The following RBFOX1 variants were observed in gnomAD, a reference collection of about 807,000 sequenced individuals.
RBFOX1 encodes the protein RNA binding protein fox-1 homolog 1.
RBFOX1 carries 8 observed loss-of-function variants against 57.7 expected under a neutral mutation model. The observed-to-expected ratio is 0.14, with a 90% CI of 0.08 to 0.25. The LOEUF (loss-of-function observed/expected upper bound fraction) is 0.25, where lower values mean the gene tolerates loss of function less well. RBFOX1 is among the 10% of genes least tolerant of loss of function. The probability of loss-of-function intolerance (pLI) is 1.00; values close to 1 mark genes in which losing one functional copy is unlikely to be tolerated. For missense variants in RBFOX1, 611 were observed against 548.5 expected, an observed-to-expected ratio of 1.11 and a Z score of -1.14; for synonymous variants, 326 against 222.4, an observed-to-expected ratio of 1.47 and a Z score of -4.15.
At chr16:7,152,861 C>G (rs958809506) in intron 4 of RBFOX1, among the ~76,000 whole-genome samples, 3 of 152,090 alleles carry the variant, frequency 2.0e-5, no homozygotes, top group Non-Finnish European at 2.9e-5. Context: ...CATGAAGGCA[C>G]TTAATCATTT....
chr16:5,743,160 A>G (rs1289531804), intron 3 of RBFOX1, among the ~76,000 whole-genome samples: 1 of 152,166 alleles, frequency 6.6e-6, no homozygotes, highest in African/African-American at 2.4e-5. Flanking sequence ...GAGGAGATAT[A>G]TGGGTTACAG....
intron 4 of RBFOX1, among the ~76,000 whole-genome samples, chr16:7,362,205 GTT>G (rs935556567): frequency 1.3e-5 from 2 of 150,746 alleles, no homozygotes; most frequent in African/African-American, 4.9e-5. Flanking sequence ...GTATGATTGT[GTT>G]TGTTTTTTAT....
At chr16:6,963,801 C>G (rs2083506461) in intron 3 of RBFOX1, among the ~76,000 whole-genome samples, 1 of 150,896 alleles carries the variant, frequency 6.6e-6, no homozygotes, top group East Asian at 2.0e-4. Flanking sequence ...CGGGTTCATG[C>G]CATTCTCCTG....
intron 4 of RBFOX1, among the ~76,000 whole-genome samples, chr16:7,245,386 C>T (rs189376985): frequency 2.6e-5 from 4 of 151,994 alleles, no homozygotes; most frequent in African/African-American, 9.7e-5. Context: ...CATAGGTAAA[C>T]ATGTGCCATG....
intron 1 of RBFOX1, among the ~76,000 whole-genome samples, chr16:6,191,412 C>T (rs1283740929): frequency 6.6e-6 from 1 of 152,060 alleles, no homozygotes; most frequent in Non-Finnish European, 1.5e-5. Context: ...GACTTTGAGT[C>T]ACTCTTGAGA....
chr16:6,425,031 A>G (rs999610135), intron 2 of RBFOX1, among the ~76,000 whole-genome samples: 5 of 152,332 alleles, frequency 3.3e-5, no homozygotes, highest in African/African-American at 7.2e-5. Flanking sequence ...GATGAACTAA[A>G]TATTTTCACT....
intron 2 of RBFOX1, among the ~76,000 whole-genome samples, chr16:6,366,943 C>A (rs1437416164): frequency 6.6e-6 from 1 of 152,196 alleles, no homozygotes; most frequent in African/African-American, 2.4e-5. Context: ...TCACAAGGAG[C>A]ATTTCCTACA....
At chr16:6,516,538 G>C (rs2096382024) in intron 2 of RBFOX1, among the ~76,000 whole-genome samples, 1 of 152,260 alleles carries the variant, frequency 6.6e-6, no homozygotes, top group Middle Eastern at 3.4e-3. Flanking sequence ...CATAAGGCTT[G>C]TTAATTTTTT....
At chr16:5,440,462 A>C (rs1206982033) in intron 1 of RBFOX1, among the ~76,000 whole-genome samples, 1 of 152,236 alleles carries the variant, frequency 6.6e-6, no homozygotes, top group African/African-American at 2.4e-5. Flanking sequence ...GCCTCAGCCC[A>C]AAAGGACTAA....
chr16:6,392,778 G>A (rs890025825), intron 2 of RBFOX1, among the ~76,000 whole-genome samples: 7 of 152,174 alleles, frequency 4.6e-5, no homozygotes, highest in Non-Finnish European at 8.8e-5. Flanking sequence ...GAATTAAAAA[G>A]CATCCCTCAA....
At chr16:6,979,795 C>G (rs563880657) in intron 3 of RBFOX1, among the ~76,000 whole-genome samples, 129 of 152,252 alleles carry the variant, frequency 8.5e-4, no homozygotes, top group African/African-American at 3.1e-3. Context: ...GGTATTCCAC[C>G]CTTTTCTCCT....
chr16:6,006,956 TTA>T (rs1357709842), intron 4 of RBFOX1, among the ~76,000 whole-genome samples: 4 of 152,274 alleles, frequency 2.6e-5, no homozygotes, highest in African/African-American at 9.6e-5. Flanking sequence ...CCATGTAGGA[TTA>T]TATCTCACTG....
At chr16:5,344,084 G>A (rs1855648508) in intron 1 of RBFOX1, among the ~76,000 whole-genome samples, 1 of 152,136 alleles carries the variant, frequency 6.6e-6, no homozygotes, top group African/African-American at 2.4e-5. Context: ...TCTCGTTTTC[G>A]GAGAAATAAA....
chr16:6,216,458 C>A (rs936061869), intron 1 of RBFOX1, among the ~76,000 whole-genome samples: 2 of 152,142 alleles, frequency 1.3e-5, no homozygotes, highest in African/African-American at 4.8e-5. Context: ...TTAGCTCCCC[C>A]TCTTAATCCG....
intron 3 of RBFOX1, among the ~76,000 whole-genome samples, chr16:5,809,930 G>C (rs2055360898): frequency 6.6e-6 from 1 of 152,062 alleles, no homozygotes; most frequent in South Asian, 2.1e-4. Context: ...CAACCCAAAT[G>C]TCCAACAATG....
chr16:7,419,187 C>G (rs903097314), intron 4 of RBFOX1, among the ~76,000 whole-genome samples: 1 of 152,082 alleles, frequency 6.6e-6, no homozygotes, highest in African/African-American at 2.4e-5. Flanking sequence ...GGATTACAAG[C>G]GTGAGCACCA....
chr16:6,591,857 G>A (rs17140662), intron 2 of RBFOX1, among the ~76,000 whole-genome samples: 5,323 of 152,176 alleles, frequency 0.035, 330 homozygotes, highest in African/African-American at 0.12. Context: ...GAACCCTTTT[G>A]AAAGAATTTG....
intron 4 of RBFOX1, among the ~76,000 whole-genome samples, chr16:7,360,355 G>A (rs541103642): frequency 1.3e-5 from 2 of 152,320 alleles, no homozygotes; most frequent in East Asian, 3.9e-4. Context: ...AGAAATGGTG[G>A]CTCTGCTGCT....
chr16:5,250,306 G>T (rs1006694647), intron 1 of RBFOX1, among the ~76,000 whole-genome samples: 10 of 131,172 alleles, frequency 7.6e-5, no homozygotes, highest in Non-Finnish European at 1.7e-4. Flanking sequence ...TGCAGAATGT[G>T]CAGGTTTGTT....
Sources: gnomAD v4.1 joint callset for allele counts (sites outside exome capture counted in the v4.1 genomes callset) on GRCh38, gnomAD v4.1.1 for gene constraint, MANE v1.5 for transcripts, NCBI Gene and HGNC (gene_info 2026-07-23, HGNC 2026-07-21) for gene names.